SLCO2A1: variants seen among roughly 807,000 people sequenced by gnomAD.
The protein encoded by SLCO2A1 is matrin F/G 1.
Under a neutral mutation model 71.7 loss-of-function variants are expected in SLCO2A1, and 60 were observed. That is an observed-to-expected ratio of 0.84 (90% confidence interval 0.68 to 1.04). The LOEUF is 1.04. SLCO2A1 is among the 50% of genes least tolerant of loss of function. The probability of loss-of-function intolerance (pLI) is 0.00; values close to 1 mark genes in which losing one functional copy is unlikely to be tolerated. For missense variants in SLCO2A1, 745 were observed against 813.4 expected, an observed-to-expected ratio of 0.92 and a Z score of 1.02; for synonymous variants, 308 against 326.7, an observed-to-expected ratio of 0.94 and a Z score of 0.62.
chr3:134,002,886 G>C (rs1001446979), intron 1 of SLCO2A1, among the ~76,000 whole-genome samples: 1 of 152,076 alleles, frequency 6.6e-6, no homozygotes, highest in African/African-American at 2.4e-5. Context: ...GCATAAAACA[G>C]CGCAGCTAAA....
intron 3 of SLCO2A1, among the ~76,000 whole-genome samples, chr3:133,958,422 C>G (rs887661708): frequency 2.6e-5 from 4 of 152,196 alleles, no homozygotes; most frequent in African/African-American, 9.7e-5. Flanking sequence ...CCAGACAGGA[C>G]ACCCGGGGCT....
At chr3:134,005,029 CAG>C (rs1286503971) in intron 1 of SLCO2A1, among the ~76,000 whole-genome samples, 1 of 152,202 alleles carries the variant, frequency 6.6e-6, no homozygotes, top group African/African-American at 2.4e-5. Context: ...ATGGAGAAGA[CAG>C]AGGTTTACAG....
intron 1 of SLCO2A1, among the ~76,000 whole-genome samples, chr3:134,005,777 G>A (rs906334387): frequency 5.9e-5 from 9 of 151,892 alleles, no homozygotes; most frequent in African/African-American, 1.5e-4. Context: ...TACCGTGCCC[G>A]GCCCATGTAT....
chr3:133,968,374 G>A (rs1934238864), intron 3 of SLCO2A1, among the ~76,000 whole-genome samples: 1 of 152,000 alleles, frequency 6.6e-6, no homozygotes, highest in Admixed American at 6.5e-5. Flanking sequence ...TCACACCATA[G>A]GTGGGTGTTC....
chr3:133,981,791 G>A (rs951380227), intron 1 of SLCO2A1, among the ~76,000 whole-genome samples: 2 of 152,118 alleles, frequency 1.3e-5, no homozygotes, highest in Middle Eastern at 3.4e-3. Context: ...CCTGACCAAC[G>A]TGGTGAAACC....
At position 133,947,659 on chromosome 3, in the gene SLCO2A1, C is replaced by T. The variant is rs7637051; in HGVS notation, c.1106-214G>A. Among the ~76,000 whole-genome samples, 152,264 of 152,356 alleles carry T rather than the reference C, an allele frequency of 1. 76,086 individuals carry two copies. The highest frequency in any genetic ancestry group is 1 in the Non-Finnish European group (68,044 of 68,044). On this transcript the variant is annotated intron_variant, in intron 8 of 13. Transcript: ENST00000310926. The stretch of plus-strand genomic sequence containing the variant: ...TCTTGAGACAGGATTGCCTTGCCTA[C>T]ACAAAAAATACAGAAGTGGGGTTCT...
In SLCO2A1 at chr3:134,025,437, T is replaced by C. The variant is rs548527687; in HGVS notation, c.96+4270A>G. Among the ~76,000 whole-genome samples the C allele has an allele frequency of 7.7e-4, 117 of 152,132 alleles. 4 individuals are homozygous for C. In the East Asian group the frequency reaches 0.019, roughly 25 times the overall value. ...GACTGGTGAGGGCTCACAAATGATATGAGTAAAGTGCTAGCCAAAACAGAA... is the reference window on the plus strand; with the variant it reads ...GACTGGTGAGGGCTCACAAATGATACGAGTAAAGTGCTAGCCAAAACAGAA... On this transcript the variant is annotated intron_variant, in intron 1 of 13. Transcript: ENST00000310926.
At chr3:133,955,724 G>A (rs1021000520) in intron 3 of SLCO2A1, among the ~76,000 whole-genome samples, 1 of 152,210 alleles carries the variant, frequency 6.6e-6, no homozygotes, top group Non-Finnish European at 1.5e-5. Context: ...GTCCCTGGTT[G>A]TGACTCCCAG....
chr3:134,016,445 C>T (rs907989345), intron 1 of SLCO2A1, among the ~76,000 whole-genome samples: 2 of 152,156 alleles, frequency 1.3e-5, no homozygotes, highest in East Asian at 1.9e-4. Flanking sequence ...TTCAATATTA[C>T]GAGCCATTAG....
intron 1 of SLCO2A1, among the ~76,000 whole-genome samples, chr3:133,986,282 T>C (rs1934712497): frequency 6.6e-6 from 1 of 152,218 alleles, no homozygotes; most frequent in African/African-American, 2.4e-5. Flanking sequence ...GTTTTTTCAA[T>C]CATGAGCGTT....
intron 1 of SLCO2A1, among the ~76,000 whole-genome samples, chr3:134,016,320 T>A: frequency 6.6e-6 from 1 of 150,482 alleles, no homozygotes. Context: ...TATAAAGAAC[T>A]CTCAAAATGC....
chr3:134,019,755 C>T (rs1003347635), intron 1 of SLCO2A1, among the ~76,000 whole-genome samples: 2 of 152,084 alleles, frequency 1.3e-5, no homozygotes, highest in African/African-American at 4.8e-5. Flanking sequence ...TCCGCTTCCC[C>T]TAAACTATAT....
intron 1 of SLCO2A1, among the ~76,000 whole-genome samples, chr3:134,006,452 T>C (rs1203515106): frequency 1.3e-5 from 2 of 152,200 alleles, no homozygotes; most frequent in African/African-American, 2.4e-5. Context: ...TGAGACTCTA[T>C]ACCCCTTGAA....
chr3:134,000,034 G>GGTGGCA (rs1300490999), intron 1 of SLCO2A1, among the ~76,000 whole-genome samples: 2 of 152,218 alleles, frequency 1.3e-5, no homozygotes, highest in African/African-American at 4.8e-5. Context: ...CCAGTCAGGC[G>GGTGGCA]GTGGCAGTGG....
chr3:133,948,870 C>G, intron 7 of SLCO2A1, 23 bp downstream of exon 7: 1 of 1,610,972 alleles, frequency 6.2e-7, no homozygotes, highest in Non-Finnish European at 8.5e-7. Context: ...TGCCAGCCCA[C>G]CCAGGGCTGT....
chr3:133,988,860 G>A (rs1353516904), intron 1 of SLCO2A1, among the ~76,000 whole-genome samples: 1 of 152,206 alleles, frequency 6.6e-6, no homozygotes, highest in Non-Finnish European at 1.5e-5. Flanking sequence ...TGGAGACAAG[G>A]AACTTAAGGC....
intron 1 of SLCO2A1, among the ~76,000 whole-genome samples, chr3:134,006,355 T>C (rs1263964470): frequency 6.6e-6 from 1 of 152,220 alleles, no homozygotes; most frequent in Non-Finnish European, 1.5e-5. Context: ...GCCTAGCCTA[T>C]CTCAAGTTCA....
intron 9 of SLCO2A1, among the ~76,000 whole-genome samples, chr3:133,945,612 CTCT>C (rs1318232136): frequency 6.6e-6 from 1 of 152,148 alleles, no homozygotes; most frequent in African/African-American, 2.4e-5. Flanking sequence ...TTCGCCTTCC[CTCT>C]TCTTCAGCCG....
At chr3:133,974,761 A>T (rs1016971053) in intron 2 of SLCO2A1, among the ~76,000 whole-genome samples, 2 of 152,136 alleles carry the variant, frequency 1.3e-5, no homozygotes, top group East Asian at 3.9e-4. Context: ...TCTCCACCAA[A>T]GATGGTCCTC....
Sources: allele counts gnomAD v4.1 joint callset (sites outside exome capture counted in the v4.1 genomes callset), GRCh38; gene constraint gnomAD v4.1.1; transcripts MANE v1.5; gene names NCBI Gene and HGNC (gene_info 2026-07-23, HGNC 2026-07-21).